DCC: variants seen among roughly 807,000 people sequenced by gnomAD.
DCC encodes the protein DCC netrin 1 receptor.
DCC carries 58 observed loss-of-function variants against 172.5 expected under a neutral mutation model. The observed-to-expected ratio is 0.34, with a 90% CI of 0.27 to 0.42. The LOEUF (loss-of-function observed/expected upper bound fraction) is 0.42, where lower values mean the gene tolerates loss of function less well. Ranked by LOEUF, DCC falls within the 10% of genes least tolerant of loss-of-function variation. The pLI, the probability that DCC is intolerant of heterozygous loss-of-function variation, is 1.00. For synonymous variants in DCC, 709 were observed against 644.5 expected, an observed-to-expected ratio of 1.10 and a Z score of -1.52; for missense variants, 1,740 against 1,791.0, an observed-to-expected ratio of 0.97 and a Z score of 0.51.
intron 1 of DCC, among the ~76,000 whole-genome samples, chr18:52,581,623 C>G (rs965712566): frequency 2.0e-5 from 3 of 152,028 alleles, no homozygotes; most frequent in African/African-American, 7.2e-5. Flanking sequence ...TTTTTTGCCT[C>G]TTTCTTACTA....
At chr18:53,482,190 T>C (rs1436859676) in intron 25 of DCC, among the ~76,000 whole-genome samples, 1 of 152,194 alleles carries the variant, frequency 6.6e-6, no homozygotes, top group Non-Finnish European at 1.5e-5. Context: ...TTTTTTGTTA[T>C]AAGTAAATGT....
chr18:52,359,433 C>A (rs1218130458), intron 1 of DCC, among the ~76,000 whole-genome samples: 1 of 152,056 alleles, frequency 6.6e-6, no homozygotes, highest in Non-Finnish European at 1.5e-5. Context: ...TCTCAGGCTC[C>A]CTTGCAGCTA....
intron 2 of DCC, among the ~76,000 whole-genome samples, chr18:52,890,898 A>T (rs941806559): frequency 1.3e-5 from 2 of 152,092 alleles, no homozygotes; most frequent in Non-Finnish European, 1.5e-5. Context: ...AAAATTTAAC[A>T]TAAATTCAGC....
At chr18:52,759,031 T>G (rs1348066685) in intron 2 of DCC, 1 of 152,210 alleles carries the variant, frequency 6.6e-6, no homozygotes, top group Non-Finnish European at 1.5e-5. Context: ...ATGTTCCCAT[T>G]GTTTTGTAGT....
chr18:53,043,945 G>A (rs985898201), intron 5 of DCC, among the ~76,000 whole-genome samples: 2 of 151,744 alleles, frequency 1.3e-5, no homozygotes, highest in African/African-American at 2.4e-5. Flanking sequence ...AAAAAAGAAG[G>A]ATCAATTTAA....
At chr18:53,393,397 G>T (rs562751063) in intron 17 of DCC, among the ~76,000 whole-genome samples, 26 of 152,322 alleles carry the variant, frequency 1.7e-4, no homozygotes, top group Non-Finnish European at 3.4e-4. Flanking sequence ...AGTCTAAATA[G>T]TATCATTGTT....
chr18:52,556,540 G>GA (rs2032920015), intron 1 of DCC, among the ~76,000 whole-genome samples: 1 of 152,048 alleles, frequency 6.6e-6, no homozygotes, highest in Non-Finnish European at 1.5e-5. Flanking sequence ...GAGCAGAAAG[G>GA]AAAATACCCC....
chr18:53,058,870 A>G (rs2042453540), intron 5 of DCC, among the ~76,000 whole-genome samples: 1 of 152,152 alleles, frequency 6.6e-6, no homozygotes, highest in Admixed American at 6.6e-5. Context: ...AAAAATCAGG[A>G]CATCCTTCTT....
chr18:52,766,513 C>T (rs749074331), intron 2 of DCC, among the ~76,000 whole-genome samples: 25 of 151,202 alleles, frequency 1.7e-4, no homozygotes, highest in Middle Eastern at 3.4e-3. Flanking sequence ...ATTTTATTGC[C>T]GATGAAAGTG....
chr18:53,448,055 T>TTTTTTTG (rs1778739394), intron 22 of DCC, among the ~76,000 whole-genome samples: 1 of 149,562 alleles, frequency 6.7e-6, no homozygotes, highest in African/African-American at 2.5e-5. Context: ...GAGTTTTTTT[T>TTTTTTTG]TTTTTTTTTT....
intron 1 of DCC, among the ~76,000 whole-genome samples, chr18:52,533,020 A>G (rs1376959270): frequency 6.6e-6 from 1 of 152,096 alleles, no homozygotes; most frequent in Non-Finnish European, 1.5e-5. Flanking sequence ...GATTCTGGAC[A>G]TTTTATATGT....
intron 12 of DCC, among the ~76,000 whole-genome samples, chr18:53,266,106 C>G (rs17411025): frequency 0.29 from 44,411 of 152,084 alleles, 8,346 homozygotes; most frequent in Non-Finnish European, 0.43. Context: ...AACCAAGCAC[C>G]AGGTCAGTGA....
chr18:53,293,725 A>G (rs2057033129), intron 12 of DCC, among the ~76,000 whole-genome samples: 1 of 152,162 alleles, frequency 6.6e-6, no homozygotes, highest in African/African-American at 2.4e-5. Context: ...GTTTGGGGCT[A>G]CAGTTGAATT....
At chr18:52,716,175 CTA>C (rs912455723) in intron 1 of DCC, among the ~76,000 whole-genome samples, 2 of 152,246 alleles carry the variant, frequency 1.3e-5, no homozygotes, top group African/African-American at 4.8e-5. Context: ...TACCCGCAGG[CTA>C]TGTCTGACTG....
intron 1 of DCC, among the ~76,000 whole-genome samples, chr18:52,476,742 C>A (rs1989105682): frequency 6.6e-6 from 1 of 152,080 alleles, no homozygotes; most frequent in Admixed American, 6.6e-5. Flanking sequence ...ACCAAAAAAA[C>A]CTTGCAGTTG....
intron 2 of DCC, among the ~76,000 whole-genome samples, chr18:52,877,655 C>T (rs912523181): frequency 1.3e-5 from 2 of 151,608 alleles, no homozygotes; most frequent in Non-Finnish European, 2.9e-5. Flanking sequence ...CTTCAGTGAG[C>T]CAAGATAGCA....
chr18:52,841,805 C>G (rs558524534), intron 2 of DCC, among the ~76,000 whole-genome samples: 2 of 152,154 alleles, frequency 1.3e-5, no homozygotes, highest in South Asian at 2.1e-4. Context: ...GCCATTCCCC[C>G]CTCCTCCCAT....
intron 2 of DCC, among the ~76,000 whole-genome samples, chr18:52,776,874 G>C (rs1225262853): frequency 6.6e-6 from 1 of 152,140 alleles, no homozygotes; most frequent in African/African-American, 2.4e-5. Flanking sequence ...ATTGTCAGAT[G>C]CACAAGGGCT....
intron 2 of DCC, among the ~76,000 whole-genome samples, chr18:52,872,188 T>C (rs1039368659): frequency 6.6e-6 from 1 of 152,080 alleles, no homozygotes; most frequent in Non-Finnish European, 1.5e-5. Context: ...ATATGCAATC[T>C]TGAGGTTACA....
Sources: allele counts gnomAD v4.1 joint callset (sites outside exome capture counted in the v4.1 genomes callset), GRCh38; gene constraint gnomAD v4.1.1; transcripts MANE v1.5; gene names NCBI Gene and HGNC (gene_info 2026-07-23, HGNC 2026-07-21).